Variants in RNF13 observed in about 807,000 individuals in gnomAD.
RNF13 encodes the protein E3 ubiquitin-protein ligase RNF13.
RNF13 carries 19 observed loss-of-function variants against 37.7 expected under a neutral mutation model. The observed-to-expected ratio is 0.50, with a 90% CI of 0.35 to 0.74. RNF13 has a LOEUF of 0.74. Among genes scored for constraint, RNF13 ranks in the 30% least tolerant of loss-of-function variants. RNF13 has a pLI of 0.01. For synonymous variants in RNF13, 144 were observed against 157.8 expected (o/e 0.91, Z 0.65); for missense variants, 375 against 453.0 (o/e 0.83, Z 1.56).
chr3:149,817,510 G>A (rs557792135), intron 1 of RNF13, among the ~76,000 whole-genome samples: 1 of 152,122 alleles, frequency 6.6e-6, no homozygotes, highest in African/African-American at 2.4e-5. Context: ...CTCCAGATTT[G>A]TTATTTTTAT....
At chr3:149,905,172 T>C (rs1716262152) in intron 6 of RNF13, among the ~76,000 whole-genome samples, 1 of 152,210 alleles carries the variant, frequency 6.6e-6, no homozygotes, top group South Asian at 2.1e-4. Context: ...TTGCTAGATA[T>C]TGTCAATTCC....
intron 1 of RNF13, among the ~76,000 whole-genome samples, chr3:149,827,808 TTAAA>T (rs1720654533): frequency 6.6e-6 from 1 of 152,178 alleles, no homozygotes; most frequent in Non-Finnish European, 1.5e-5. Flanking sequence ...GGGTGATGTT[TTAAA>T]TAAACAGTTG....
upstream of RNF13, chr3:149,812,953 C>A (rs2108295392): frequency 6.5e-6 from 1 of 152,796 alleles, no homozygotes; most frequent in Middle Eastern, 3.3e-3. Flanking sequence ...CCTGCCCCTT[C>A]CTCTGCCAAG....
At chr3:149,955,879 A>G (rs1158061253) in intron 8 of RNF13, among the ~76,000 whole-genome samples, 1 of 152,214 alleles carries the variant, frequency 6.6e-6, no homozygotes, top group Middle Eastern at 3.2e-3. Flanking sequence ...CACTGTGACT[A>G]TTTTAACTAG....
At chr3:149,935,088 A>G (rs1719541841) in intron 8 of RNF13, among the ~76,000 whole-genome samples, 1 of 152,222 alleles carries the variant, frequency 6.6e-6, no homozygotes, top group South Asian at 2.1e-4. Context: ...TATATTCCAC[A>G]GAGCTGGATG....
chr3:149,886,508 ATGAT>A (rs573137880), intron 4 of RNF13, among the ~76,000 whole-genome samples: 176 of 152,228 alleles, frequency 1.2e-3, no homozygotes, highest in African/African-American at 4.0e-3. Flanking sequence ...ATTCTTTCAT[ATGAT>A]TGATTGATTG....
chr3:149,890,508 ATATAT>A, intron 4 of RNF13, among the ~76,000 whole-genome samples: 1 of 152,308 alleles, frequency 6.6e-6, no homozygotes, highest in African/African-American at 2.4e-5. Flanking sequence ...AGTGTTTTTC[ATATAT>A]TAAATTATTT....
chr3:149,853,834 C>CT (rs1052140782), intron 3 of RNF13, among the ~76,000 whole-genome samples: 3,582 of 115,374 alleles, frequency 0.031, 172 homozygotes, highest in African/African-American at 0.093. Flanking sequence ...TAAAATTTCT[C>CT]TTTTTTTTTT....
chr3:149,868,017 C>T (rs1711550201), intron 3 of RNF13, among the ~76,000 whole-genome samples: 1 of 151,716 alleles, frequency 6.6e-6, no homozygotes, highest in Non-Finnish European at 1.5e-5. Context: ...TTTTAAGTGA[C>T]ATAGAAAAGA....
chr3:149,891,462 A>C (rs1050491656), intron 4 of RNF13, among the ~76,000 whole-genome samples: 1 of 152,222 alleles, frequency 6.6e-6, no homozygotes, highest in South Asian at 2.1e-4. Context: ...AGACTTTTCT[A>C]TTAGCAGTCT....
intron 1 of RNF13, among the ~76,000 whole-genome samples, chr3:149,839,644 A>G (rs953158383): frequency 6.6e-6 from 1 of 152,146 alleles, no homozygotes; most frequent in Non-Finnish European, 1.5e-5. Flanking sequence ...ACCTGCCCCC[A>G]TGATTCAATT....
intron 6 of RNF13, among the ~76,000 whole-genome samples, chr3:149,910,636 C>G (rs1716907645): frequency 6.6e-6 from 1 of 152,168 alleles, no homozygotes; most frequent in South Asian, 2.1e-4. Flanking sequence ...TTCCTTTATA[C>G]TGAGAACGAT....
chr3:149,911,539 A>G (rs1283591942), intron 6 of RNF13, among the ~76,000 whole-genome samples: 2 of 152,006 alleles, frequency 1.3e-5, no homozygotes, highest in African/African-American at 4.8e-5. Context: ...GGCACCTGTA[A>G]TCCCAGCTAC....
chr3:149,870,939 A>G (rs974206010), intron 3 of RNF13, among the ~76,000 whole-genome samples: 3 of 151,540 alleles, frequency 2.0e-5, no homozygotes, highest in Non-Finnish European at 2.9e-5. Context: ...TCCTTCCTTT[A>G]TAAATGAAAT....
chr3:149,937,408 G>T (rs760576947), intron 8 of RNF13, among the ~76,000 whole-genome samples: 15 of 152,108 alleles, frequency 9.9e-5, no homozygotes, highest in Non-Finnish European at 1.8e-4. Flanking sequence ...GGGCATCATG[G>T]ATAGAAAAGT....
intron 1 of RNF13, among the ~76,000 whole-genome samples, chr3:149,831,173 C>A (rs1403276086): frequency 3.3e-5 from 5 of 152,238 alleles, no homozygotes; most frequent in Non-Finnish European, 5.9e-5. Flanking sequence ...AGCCCCCACA[C>A]AGAGTCCCTA....
At chr3:149,909,798 C>T (rs555107071) in intron 6 of RNF13, among the ~76,000 whole-genome samples, 2 of 152,156 alleles carry the variant, frequency 1.3e-5, no homozygotes, top group Admixed American at 6.5e-5. Flanking sequence ...TCCTAGTTCA[C>T]TGGGACTTCC....
intron 8 of RNF13, among the ~76,000 whole-genome samples, chr3:149,958,598 T>G (rs180906136): frequency 2.6e-5 from 4 of 152,326 alleles, no homozygotes; most frequent in Admixed American, 6.5e-5. Context: ...ACTGTTTTGT[T>G]TTTAGTAGGC....
intron 4 of RNF13, among the ~76,000 whole-genome samples, chr3:149,872,492 T>C (rs1712185843): frequency 6.6e-6 from 1 of 152,232 alleles, no homozygotes; most frequent in African/African-American, 2.4e-5. Flanking sequence ...GGTTTCTCTT[T>C]TGTAATAAGT....
Sources: gnomAD v4.1 joint callset for allele counts (sites outside exome capture counted in the v4.1 genomes callset) on GRCh38, gnomAD v4.1.1 for gene constraint, MANE v1.5 for transcripts, NCBI Gene and HGNC (gene_info 2026-07-23, HGNC 2026-07-21) for gene names.